The following DOCK3 variants were observed in gnomAD, a reference collection of about 807,000 sequenced individuals.
The protein encoded by DOCK3 is dedicator of cytokinesis 3.
A neutral mutation model predicts 265.6 loss-of-function variants in DOCK3; 60 were observed. The ratio of observed to expected loss-of-function variants is 0.23; its 90% CI spans 0.18 to 0.28. The LOEUF is 0.28. Ranked by LOEUF, DOCK3 falls within the 10% of genes least tolerant of loss-of-function variation. The pLI, the probability that DOCK3 is intolerant of heterozygous loss-of-function variation, is 1.00. For missense variants in DOCK3, 1,981 were observed against 2,594.3 expected, an observed-to-expected ratio of 0.76 and a Z score of 5.14; for synonymous variants, 881 against 938.0, an observed-to-expected ratio of 0.94 and a Z score of 1.11.
At chr3:50,836,336 C>T (rs188512310) in intron 2 of DOCK3, among the ~76,000 whole-genome samples, 23 of 152,350 alleles carry the variant, frequency 1.5e-4, no homozygotes, top group Non-Finnish European at 2.6e-4. Context: ...CATTTTCGTA[C>T]ATCCTCTGAA....
At chr3:51,017,302 T>C (rs2079387730) in intron 5 of DOCK3, among the ~76,000 whole-genome samples, 1 of 151,574 alleles carries the variant, frequency 6.6e-6, no homozygotes, top group Non-Finnish European at 1.5e-5. Flanking sequence ...CAATTTTGTT[T>C]ATCTTTTCAA....
intron 2 of DOCK3, among the ~76,000 whole-genome samples, chr3:50,795,319 T>C (rs1350147410): frequency 1.3e-5 from 2 of 152,206 alleles, no homozygotes; most frequent in Non-Finnish European, 2.9e-5. Flanking sequence ...TCCTGATATA[T>C]GTTTTTCAAG....
At chr3:51,043,200 A>C (rs2080609825) in intron 5 of DOCK3, among the ~76,000 whole-genome samples, 1 of 152,230 alleles carries the variant, frequency 6.6e-6, no homozygotes, top group Admixed American at 6.5e-5. Context: ...GCAGGTCTAC[A>C]GTAACCAAAG....
At chr3:51,100,690 C>G (rs1181397078) in intron 9 of DOCK3, among the ~76,000 whole-genome samples, 1 of 152,194 alleles carries the variant, frequency 6.6e-6, no homozygotes, top group Non-Finnish European at 1.5e-5. Context: ...TAGCAGAATT[C>G]AGATTCTCTA....
chr3:50,971,512 TCA>T (rs1240071406), intron 5 of DOCK3, among the ~76,000 whole-genome samples: 1 of 152,136 alleles, frequency 6.6e-6, no homozygotes, highest in Non-Finnish European at 1.5e-5. Context: ...ATGAACAGTC[TCA>T]CTCCCTCTTG....
chr3:51,228,091 A>G lies in DOCK3; in HGVS notation c.1647+3A>G, dbSNP rs1273097763. 6.2e-7 allele frequency: 1 copy of G among 1,613,948 alleles called. No homozygotes were observed. Among genetic ancestry groups the G allele is most frequent in the Non-Finnish European group, 8.5e-7 (1 of 1,179,826 alleles). ...TTCACGAGCTTTATGTGTACAAGGT[A>G]TGAAGCCTAGCTGCCTTTCATCCCC... is the stretch of plus-strand genomic sequence containing the variant. On this transcript the variant is annotated splice_donor_region_variant and intron_variant, in intron 17 of 52. Coordinates refer to ENST00000266037, the MANE Select transcript of DOCK3 (RefSeq NM_004947.5).
chr3:51,348,212 A>G (rs1256634010), intron 38 of DOCK3, among the ~76,000 whole-genome samples: 5 of 152,228 alleles, frequency 3.3e-5, no homozygotes, highest in East Asian at 1.9e-4. Flanking sequence ...TGCTGTAACA[A>G]GAGCCATACC....
At chr3:50,841,915 T>C (rs997204368) in intron 3 of DOCK3, among the ~76,000 whole-genome samples, 200 bp downstream of exon 3, 1 of 151,774 alleles carries the variant, frequency 6.6e-6, no homozygotes, top group African/African-American at 2.4e-5. Flanking sequence ...GAAATGCAAA[T>C]ATCATAGCTG....
intron 5 of DOCK3, among the ~76,000 whole-genome samples, chr3:50,944,299 G>A (rs905063854): frequency 1.9e-4 from 29 of 152,112 alleles, no homozygotes; most frequent in African/African-American, 6.3e-4. Context: ...CATCATTTGT[G>A]GAAAATGTTG....
At chr3:51,189,594 A>G (rs1036771565) in intron 12 of DOCK3, among the ~76,000 whole-genome samples, 3 of 152,122 alleles carry the variant, frequency 2.0e-5, no homozygotes, top group Non-Finnish European at 4.4e-5. Context: ...ACATTATTTC[A>G]TTTCTTTTTT....
intron 1 of DOCK3, among the ~76,000 whole-genome samples, chr3:50,715,161 T>C (rs1240574784): frequency 1.3e-5 from 2 of 152,246 alleles, no homozygotes; most frequent in Non-Finnish European, 2.9e-5. Context: ...GCATATGTAC[T>C]GAATGTTGAG....
chr3:51,195,792 T>C (rs572221183), intron 12 of DOCK3, among the ~76,000 whole-genome samples: 1 of 152,132 alleles, frequency 6.6e-6, no homozygotes, highest in African/African-American at 2.4e-5. Flanking sequence ...AATTTTTTTG[T>C]AGGGCCAGTC....
chr3:50,699,488 T>TGTTGCCCAG (rs2035892022), intron 1 of DOCK3, among the ~76,000 whole-genome samples: 1 of 150,698 alleles, frequency 6.6e-6, no homozygotes, highest in Non-Finnish European at 1.5e-5. Context: ...ATTCTTGCTC[T>TGTTGCCCAG]GTTGCCCAGG....
intron 33 of DOCK3, among the ~76,000 whole-genome samples, chr3:51,332,342 G>T (rs767913541): frequency 1.3e-5 from 2 of 152,240 alleles, no homozygotes; most frequent in Non-Finnish European, 2.9e-5. Flanking sequence ...TTTTGGAGAA[G>T]CCAGGGGCTG....
chr3:51,056,987 G>T (rs1388502439), intron 5 of DOCK3, among the ~76,000 whole-genome samples: 4 of 152,052 alleles, frequency 2.6e-5, no homozygotes, highest in African/African-American at 9.7e-5. Context: ...TATTTAATTA[G>T]ATTTTTATGA....
intron 22 of DOCK3, among the ~76,000 whole-genome samples, chr3:51,251,385 G>C (rs564869250): frequency 6.6e-6 from 1 of 152,358 alleles, no homozygotes; most frequent in South Asian, 2.1e-4. Flanking sequence ...TATATACCCA[G>C]TAATGGGATG....
intron 12 of DOCK3, among the ~76,000 whole-genome samples, chr3:51,162,877 AT>A (rs1054577513): frequency 6.6e-6 from 1 of 152,018 alleles, no homozygotes; most frequent in Non-Finnish European, 1.5e-5. Context: ...TATAGAGAAG[AT>A]TTTTTTTCAA....
rs1223265461 is a variant in DOCK3 at position 50,990,261 on chromosome 3, A to T, written c.315+56184A>T. Among the ~76,000 whole-genome samples the T allele has an allele frequency of 2.0e-5, 3 of 152,230 alleles. No individual in the cohort carries two copies. The East Asian group carries it at 5.8e-4, about 29-fold the overall frequency. ...AGGATATCATTCATGAAAACTTCCCAACCTTGCTAGAGTGGCCAACAGTCA... is the reference window on the plus strand; with the variant it reads ...AGGATATCATTCATGAAAACTTCCCTACCTTGCTAGAGTGGCCAACAGTCA... On this transcript the variant is annotated intron_variant, in intron 5 of 52. Transcript: ENST00000266037.
intron 23 of DOCK3, among the ~76,000 whole-genome samples, chr3:51,263,008 C>T (rs1431596812): frequency 6.6e-6 from 1 of 152,140 alleles, no homozygotes; most frequent in Non-Finnish European, 1.5e-5. Context: ...AGGATATTAT[C>T]CAGGAGAACT....
Sources: gnomAD v4.1 joint callset for allele counts (sites outside exome capture counted in the v4.1 genomes callset) on GRCh38, gnomAD v4.1.1 for gene constraint, MANE v1.5 for transcripts, NCBI Gene and HGNC (gene_info 2026-07-23, HGNC 2026-07-21) for gene names.